The following SYT1 variants were observed in gnomAD, a reference collection of about 807,000 sequenced individuals.
SYT1 encodes synaptotagmin-1.
In SYT1, 8 loss-of-function variants were observed where a neutral mutation model predicts 44.8. The observed-to-expected ratio is 0.18, with a 90% CI of 0.10 to 0.32. The LOEUF is 0.32. Among genes scored for constraint, SYT1 ranks in the 10% least tolerant of loss-of-function variants. SYT1 has a pLI of 1.00. For synonymous variants in SYT1, 154 were observed against 188.8 expected, an observed-to-expected ratio of 0.82 and a Z score of 1.51; for missense variants, 286 against 509.3, an observed-to-expected ratio of 0.56 and a Z score of 4.22.
At chr12:79,348,798 G>A (rs1201356210) in intron 8 of SYT1, among the ~76,000 whole-genome samples, 1 of 151,616 alleles carries the variant, frequency 6.6e-6, no homozygotes, top group African/African-American at 2.4e-5. Flanking sequence ...GGATGGTGAA[G>A]GTGGTAGTGA....
At chr12:79,350,377 A>C (rs569181412) in intron 8 of SYT1, among the ~76,000 whole-genome samples, 3 of 147,360 alleles carry the variant, frequency 2.0e-5, no homozygotes, top group Admixed American at 7.0e-5. Flanking sequence ...CTCAGCCTCC[A>C]GAGTAGCTGG....
At chr12:79,222,851 G>T (rs1274424640) in intron 4 of SYT1, among the ~76,000 whole-genome samples, 1 of 151,892 alleles carries the variant, frequency 6.6e-6, no homozygotes, top group African/African-American at 2.4e-5. Flanking sequence ...CAAAATCAAA[G>T]ATTCTTTCTT....
chr12:78,907,744 CTTTTA>C (rs1315582854), intron 1 of SYT1, among the ~76,000 whole-genome samples: 3 of 151,992 alleles, frequency 2.0e-5, no homozygotes, highest in African/African-American at 7.2e-5. Flanking sequence ...ATGAAGCTAC[CTTTTA>C]TTTTGTCAAA....
rs1029255606 is a variant in SYT1, at chr12:79,280,738, A to G, written c.167-5049A>G. ...GACAACCTATAGAATGGGAGAAAAT[A>G]TTCACAAACTATACATCCAACAAAC... is the stretch of plus-strand genomic sequence containing the variant. On this transcript the variant is annotated intron_variant, in intron 4 of 10. Transcript: ENST00000261205. Among the ~76,000 whole-genome samples, 57 of 151,994 alleles carry G rather than the reference A, an allele frequency of 3.8e-4. 1 individual carries two copies. Among genetic ancestry groups the G allele is most frequent in the Non-Finnish European group, 1.3e-4 (9 of 67,930 alleles).
At chr12:79,235,132 G>A (rs1479345629) in intron 4 of SYT1, among the ~76,000 whole-genome samples, 2 of 152,248 alleles carry the variant, frequency 1.3e-5, no homozygotes, top group South Asian at 2.1e-4. Context: ...ACTATGTCTG[G>A]TAGTACAGAA....
chr12:78,915,483 G>A (rs1876600732), intron 1 of SYT1, among the ~76,000 whole-genome samples: 1 of 151,992 alleles, frequency 6.6e-6, no homozygotes, highest in African/African-American at 2.4e-5. Context: ...ATGTAGAAAT[G>A]ACACAGAAGA....
intron 4 of SYT1, among the ~76,000 whole-genome samples, chr12:79,237,203 A>G (rs776268774): frequency 1.3e-5 from 2 of 152,222 alleles, no homozygotes; most frequent in Non-Finnish European, 2.9e-5. Flanking sequence ...TGTAGAAAAG[A>G]GAAAATGAAA....
rs1421920839 is a variant in SYT1 at position 79,092,301 on chromosome 12, T to TA, written c.-18+44940dup. 4.6e-5 allele frequency among the ~76,000 whole-genome samples: 7 copies of TA among 151,862 alleles called. No homozygotes were observed. The South Asian group carries it at 8.3e-4, about 18-fold the overall frequency. ...GACATGTCAGGCAAAGCCTTGGTAATATGGCCAATGTTTCCAATTGTGTCC... is the reference window on the plus strand; with the variant it reads ...GACATGTCAGGCAAAGCCTTGGTAATAATGGCCAATGTTTCCAATTGTGTCC... On this transcript the variant is annotated intron_variant, in intron 3 of 10. Coordinates refer to ENST00000261205, the MANE Select transcript of SYT1 (RefSeq NM_005639.3).
intron 4 of SYT1, among the ~76,000 whole-genome samples, chr12:79,278,820 G>A (rs1280605523): frequency 3.3e-5 from 5 of 151,586 alleles, no homozygotes; most frequent in African/African-American, 9.7e-5. Context: ...TGAAAATGAA[G>A]ACATTACAAC....
intron 8 of SYT1, among the ~76,000 whole-genome samples, chr12:79,322,317 T>G (rs894225622): frequency 6.6e-6 from 1 of 152,154 alleles, no homozygotes; most frequent in Admixed American, 6.5e-5. Flanking sequence ...AAATGGAAAC[T>G]GCCGCTGGCC....
chr12:79,402,411 T>C (rs1784593450), intron 9 of SYT1, among the ~76,000 whole-genome samples: 1 of 152,134 alleles, frequency 6.6e-6, no homozygotes, highest in Admixed American at 6.5e-5. Flanking sequence ...TTTTTCACAG[T>C]AGTTATCTAG....
intron 3 of SYT1, among the ~76,000 whole-genome samples, chr12:79,070,736 G>A (rs763090150): frequency 3.9e-5 from 6 of 152,114 alleles, no homozygotes; most frequent in South Asian, 2.1e-4. Flanking sequence ...GAAAGACAGC[G>A]ACAGGGGCAA....
chr12:78,965,068 CA>C (rs1329477818), intron 1 of SYT1, among the ~76,000 whole-genome samples: 1 of 151,998 alleles, frequency 6.6e-6, no homozygotes, highest in Non-Finnish European at 1.5e-5. Flanking sequence ...CCCAATCTGA[CA>C]ATGAGAAATT....
At chr12:79,114,402 A>T (rs1879170434) in intron 3 of SYT1, among the ~76,000 whole-genome samples, 1 of 152,142 alleles carries the variant, frequency 6.6e-6, no homozygotes, top group Non-Finnish European at 1.5e-5. Flanking sequence ...GTGGCATCAC[A>T]CCTCTTACAA....
At position 78,865,060 on chromosome 12, in the gene SYT1, G is replaced by C. The variant is rs920250780; in HGVS notation, c.-266G>C. Reference sequence around the variant, plus strand: ...TGTGCCTCGCGCCGGTCCACGCGGGGAGAGCACTGGGGACCGAGACCCGGC... The same window carrying C: ...TGTGCCTCGCGCCGGTCCACGCGGGCAGAGCACTGGGGACCGAGACCCGGC... On this transcript the variant is annotated 5_prime_UTR_variant, in exon 1 of 11. Coordinates refer to ENST00000261205, the MANE Select transcript of SYT1 (RefSeq NM_005639.3). 6.6e-6 allele frequency: 1 copy of C among 152,266 alleles called. No homozygotes were observed. The highest frequency in any genetic ancestry group is 2.4e-5 in the African/African-American group (1 of 41,460). 9.4% of individuals were successfully genotyped at this position (152,266 alleles called of 1,614,324 possible).
In SYT1 at chr12:79,449,304, C is replaced by T. The variant is rs1870911572; in HGVS notation, c.*180C>T. On this transcript the variant is annotated 3_prime_UTR_variant, in exon 11 of 11. Coordinates refer to ENST00000261205, the MANE Select transcript of SYT1 (RefSeq NM_005639.3). ...AAATGTAGAGAGCCCCTAAGTCCTT[C>T]ATCATACCACTGCCCTCCAAATCTA... 1 of 624,738 alleles carries T rather than the reference C, an allele frequency of 1.6e-6. No individual in the cohort carries two copies. The highest frequency in any genetic ancestry group is 2.8e-6 in the Non-Finnish European group (1 of 362,944). The allele number at this position is 624,738 out of a possible 1,614,324, so 38.7% of individuals were successfully genotyped here.
chr12:78,985,981 A>G (rs953345180), intron 2 of SYT1, among the ~76,000 whole-genome samples: 1 of 152,040 alleles, frequency 6.6e-6, no homozygotes, highest in South Asian at 2.1e-4. Context: ...GAAATTATAT[A>G]CCACTATAAA....
chr12:79,354,651 A>C (rs1592994892), intron 9 of SYT1, among the ~76,000 whole-genome samples: 1 of 152,266 alleles, frequency 6.6e-6, no homozygotes, highest in East Asian at 1.9e-4. Context: ...CTTTCATGTC[A>C]TTAAGACCCT....
At chr12:79,241,155 CAG>C (rs1278228447) in intron 4 of SYT1, among the ~76,000 whole-genome samples, 1 of 152,102 alleles carries the variant, frequency 6.6e-6, no homozygotes, top group Non-Finnish European at 1.5e-5. Flanking sequence ...GCCTGAACAA[CAG>C]AGTGAAACCC....
Sources: gnomAD v4.1 joint callset for allele counts (sites outside exome capture counted in the v4.1 genomes callset) on GRCh38, gnomAD v4.1.1 for gene constraint, MANE v1.5 for transcripts, NCBI Gene and HGNC (gene_info 2026-07-23, HGNC 2026-07-21) for gene names.